The following KIAA1217 variants were observed in gnomAD, a reference collection of about 807,000 sequenced individuals.
The protein encoded by KIAA1217 is sickle tail protein homolog.
In KIAA1217, 88 loss-of-function variants were observed where a neutral mutation model predicts 163.9. That is an observed-to-expected ratio of 0.54 (90% confidence interval 0.45 to 0.64). The LOEUF (loss-of-function observed/expected upper bound fraction) is 0.64, where lower values mean the gene tolerates loss of function less well. Among genes scored for constraint, KIAA1217 ranks in the 30% least tolerant of loss-of-function variants. The probability of loss-of-function intolerance (pLI) is 0.00; values close to 1 mark genes in which losing one functional copy is unlikely to be tolerated. For missense variants in KIAA1217, 2,372 were observed against 2,475.0 expected (o/e 0.96, Z 0.88); for synonymous variants, 903 against 923.1 (o/e 0.98, Z 0.39).
intron 2 of KIAA1217, among the ~76,000 whole-genome samples, chr10:24,010,117 A>G (rs2131487337): frequency 6.6e-6 from 1 of 152,242 alleles, no homozygotes; most frequent in East Asian, 1.9e-4. Context: ...AACAGGAATC[A>G]TGTTCTAGCT....
chr10:24,428,220 G>A (rs1207143360), intron 3 of KIAA1217, among the ~76,000 whole-genome samples: 1 of 152,172 alleles, frequency 6.6e-6, no homozygotes, highest in Non-Finnish European at 1.5e-5. Context: ...GCATGGCTGG[G>A]GCATGGACCT....
At chr10:24,484,241 ATTTTTTTTT>A (rs59233394) in intron 6 of KIAA1217, among the ~76,000 whole-genome samples, 10 of 75,158 alleles carry the variant, frequency 1.3e-4, no homozygotes, top group Admixed American at 3.7e-4. Flanking sequence ...ATATATATAT[ATTTTTTTTT>A]TTTTTTTTTT....
intron 2 of KIAA1217, among the ~76,000 whole-genome samples, chr10:24,274,903 A>G (rs562625847): frequency 6.6e-6 from 1 of 152,130 alleles, no homozygotes; most frequent in South Asian, 2.1e-4. Flanking sequence ...ATTTCATTTT[A>G]TTTCTTATTT....
At chr10:24,158,262 A>T in intron 2 of KIAA1217, 1 of 720,162 alleles carries the variant, frequency 1.4e-6, no homozygotes, top group South Asian at 1.4e-5. Flanking sequence ...TCGGTCAGTC[A>T]TGAAAGATGA....
intron 1 of KIAA1217, among the ~76,000 whole-genome samples, chr10:23,867,823 G>T (rs1490246036): frequency 1.3e-5 from 2 of 152,098 alleles, no homozygotes; most frequent in Admixed American, 6.5e-5. Flanking sequence ...TCTGATGGTG[G>T]TTTCTTTTGC....
intron 2 of KIAA1217, among the ~76,000 whole-genome samples, chr10:24,051,674 A>G (rs779997069): frequency 6.6e-6 from 1 of 152,012 alleles, no homozygotes; most frequent in Non-Finnish European, 1.5e-5. Context: ...GTGGTTTCTC[A>G]TTGTGGTTTT....
chr10:24,000,716 A>G (rs968256841), intron 1 of KIAA1217, among the ~76,000 whole-genome samples: 2 of 152,234 alleles, frequency 1.3e-5, no homozygotes, highest in Non-Finnish European at 2.9e-5. Context: ...CGCTGGAAAG[A>G]TTGATGAGCA....
chr10:24,541,953 G>C (rs140845809), intron 17 of KIAA1217, among the ~76,000 whole-genome samples: 22 of 152,294 alleles, frequency 1.4e-4, no homozygotes, highest in African/African-American at 5.3e-4. Context: ...TATGAATTGA[G>C]GTTATATTGT....
chr10:23,970,969 C>T (rs1271138106), intron 1 of KIAA1217, among the ~76,000 whole-genome samples: 5 of 152,178 alleles, frequency 3.3e-5, no homozygotes, highest in Admixed American at 3.3e-4. Context: ...TATTAAAAAG[C>T]TTTAAAGCAG....
chr10:23,738,198 T>G (rs760205117), intron 1 of KIAA1217, among the ~76,000 whole-genome samples: 7 of 152,188 alleles, frequency 4.6e-5, no homozygotes, highest in Non-Finnish European at 7.4e-5. Flanking sequence ...AGTTTAAAAT[T>G]TTTATGAGGC....
intron 2 of KIAA1217, among the ~76,000 whole-genome samples, chr10:24,095,710 A>G (rs537010573): frequency 6.6e-6 from 1 of 152,190 alleles, no homozygotes; most frequent in African/African-American, 2.4e-5. Context: ...TCACAAATTT[A>G]CCTCTCACAC....
At chr10:23,990,065 A>G (rs1468948011) in intron 1 of KIAA1217, among the ~76,000 whole-genome samples, 1 of 152,220 alleles carries the variant, frequency 6.6e-6, no homozygotes, top group East Asian at 1.9e-4. Flanking sequence ...TTTGGGAGAG[A>G]GTTGATCCTG....
Position 23,839,058 on chromosome 10 carries a change from T to C in KIAA1217, c.-321+143824T>C, listed in dbSNP as rs552177633. 1.7e-4 allele frequency among the ~76,000 whole-genome samples: 26 copies of C among 152,298 alleles called. No individual in the cohort carries two copies. In the South Asian group the frequency reaches 5.0e-3, roughly 29 times the overall value. On this transcript the variant is annotated intron_variant, in intron 1 of 18. Transcript: ENST00000376462. ...ATCTAAATATTTTCCCAACATTTTA[T>C]TGATTTTTCCACATTTTCAATACTT...
intron 2 of KIAA1217, among the ~76,000 whole-genome samples, chr10:24,224,705 C>A (rs145551574): frequency 1.3e-5 from 2 of 151,980 alleles, no homozygotes; most frequent in African/African-American, 2.4e-5. Context: ...AGAAATACAA[C>A]GATGGAATCT....
chr10:24,376,760 T>C (rs1369606292), intron 2 of KIAA1217, among the ~76,000 whole-genome samples: 1 of 151,770 alleles, frequency 6.6e-6, no homozygotes, highest in Non-Finnish European at 1.5e-5. Context: ...CCTGTCTGAC[T>C]GAATGAATGA....
chr10:23,910,066 G>C (rs557937305), intron 1 of KIAA1217, among the ~76,000 whole-genome samples: 1 of 151,964 alleles, frequency 6.6e-6, no homozygotes, highest in Non-Finnish European at 1.5e-5. Flanking sequence ...ACCAAACACC[G>C]CGTGTTCTCA....
chr10:24,489,180 G>A lies in KIAA1217; in HGVS notation c.1680-5320G>A, dbSNP rs571361376. ...TTACTGACTACAGTGGGTTGAGGCT[G>A]CAGTGAGCTATGATCATTCGTGCTG... is the stretch of plus-strand genomic sequence containing the variant. On this transcript the variant is annotated intron_variant, in intron 6 of 20. Coordinates refer to ENST00000376454, the MANE Select transcript of KIAA1217 (RefSeq NM_019590.5). Among the ~76,000 whole-genome samples the A allele has an allele frequency of 3.9e-5, 6 of 152,186 alleles. No individual in the cohort carries two copies. In the South Asian group the frequency reaches 1.2e-3, roughly 32 times the overall value.
intron 2 of KIAA1217, among the ~76,000 whole-genome samples, chr10:24,144,643 T>G (rs1026102842): frequency 2.6e-5 from 4 of 152,158 alleles, no homozygotes; most frequent in African/African-American, 7.2e-5. Context: ...GCTGAACAGA[T>G]AGGAAGGAGA....
intron 1 of KIAA1217, among the ~76,000 whole-genome samples, chr10:23,780,386 A>G (rs1835202366): frequency 6.6e-6 from 1 of 152,200 alleles, no homozygotes; most frequent in Non-Finnish European, 1.5e-5. Context: ...TATCCTATAT[A>G]ACTGAAACTT....
Sources: gnomAD v4.1 joint callset for allele counts (sites outside exome capture counted in the v4.1 genomes callset) on GRCh38, gnomAD v4.1.1 for gene constraint, MANE v1.5 for transcripts, NCBI Gene and HGNC (gene_info 2026-07-23, HGNC 2026-07-21) for gene names.